CDH13: variants seen among roughly 807,000 people sequenced by gnomAD.
CDH13 encodes the protein cadherin 13.
In CDH13, 24 loss-of-function variants were observed where a neutral mutation model predicts 63.8. That is an observed-to-expected ratio of 0.38 (90% CI 0.27 to 0.53). The LOEUF is 0.53. CDH13 is among the 20% of genes least tolerant of loss of function. The pLI is 0.85. For synonymous variants in CDH13, 503 were observed against 355.3 expected (o/e 1.42, Z -4.67); for missense variants, 1,049 against 903.1 (o/e 1.16, Z -2.07).
chr16:83,365,642 C>G (rs983269811), intron 6 of CDH13, among the ~76,000 whole-genome samples: 2 of 152,084 alleles, frequency 1.3e-5, no homozygotes, highest in Admixed American at 1.3e-4. Context: ...GGAGGTTACC[C>G]GGGATTATCC....
intron 3 of CDH13, among the ~76,000 whole-genome samples, chr16:83,108,112 C>T (rs1349507537): frequency 1.3e-5 from 2 of 152,070 alleles, no homozygotes; most frequent in East Asian, 1.9e-4. Context: ...TGAGCCACCG[C>T]GCCCAGCCCC....
At chr16:83,016,401 T>C (rs1347231434) in intron 2 of CDH13, among the ~76,000 whole-genome samples, 5 of 152,192 alleles carry the variant, frequency 3.3e-5, no homozygotes, top group Admixed American at 2.0e-4. Context: ...TGCTAATATT[T>C]TTTGATTGCC....
intron 4 of CDH13, among the ~76,000 whole-genome samples, chr16:83,177,840 T>C (rs1402279194): frequency 3.9e-5 from 6 of 152,178 alleles, no homozygotes; most frequent in Non-Finnish European, 8.8e-5. Flanking sequence ...ATGATAATTA[T>C]TTGCAGTAGT....
chr16:82,751,494 C>G (rs1362597081), intron 1 of CDH13, among the ~76,000 whole-genome samples: 2 of 152,112 alleles, frequency 1.3e-5, no homozygotes, highest in African/African-American at 4.8e-5. Context: ...TACTACAGCA[C>G]CTCATTGCAA....
chr16:83,257,493 T>C (rs1906439940), intron 5 of CDH13, among the ~76,000 whole-genome samples: 1 of 152,192 alleles, frequency 6.6e-6, no homozygotes, highest in Non-Finnish European at 1.5e-5. Flanking sequence ...AGGTCCATGA[T>C]GTAGAAAGTT....
intron 2 of CDH13, among the ~76,000 whole-genome samples, chr16:82,949,231 G>C (rs1481421536): frequency 1.3e-5 from 2 of 152,086 alleles, no homozygotes; most frequent in Non-Finnish European, 2.9e-5. Flanking sequence ...GGGAGGATTC[G>C]GCCTCACCTT....
chr16:82,989,871 C>G (rs1911437573), intron 2 of CDH13, among the ~76,000 whole-genome samples: 1 of 152,092 alleles, frequency 6.6e-6, no homozygotes, highest in Admixed American at 6.6e-5. Context: ...ATCCCTGGGA[C>G]CTAATCATAG....
chr16:83,598,989 G>A (rs1052262040), intron 7 of CDH13, among the ~76,000 whole-genome samples: 4 of 152,218 alleles, frequency 2.6e-5, no homozygotes. Context: ...TGATAGGAAT[G>A]GAAAGCCCTG....
At chr16:83,182,800 A>T (rs1001188168) in intron 4 of CDH13, among the ~76,000 whole-genome samples, 1 of 152,228 alleles carries the variant, frequency 6.6e-6, no homozygotes, top group Non-Finnish European at 1.5e-5. Context: ...ATTATAAAGT[A>T]AAATGAGACT....
chr16:83,214,130 G>A (rs1375345784), intron 4 of CDH13, among the ~76,000 whole-genome samples: 1 of 152,012 alleles, frequency 6.6e-6, no homozygotes, highest in African/African-American at 2.4e-5. Flanking sequence ...TTGTTCTTTC[G>A]CTCTTCACAG....
At chr16:83,407,827 C>CG (rs1555544431) in intron 6 of CDH13, among the ~76,000 whole-genome samples, 4 of 152,168 alleles carry the variant, frequency 2.6e-5, no homozygotes, top group Non-Finnish European at 4.4e-5. Context: ...CATCTGTTTT[C>CG]TTTTTGTAAT....
chr16:83,004,197 G>C (rs951682058), intron 2 of CDH13, among the ~76,000 whole-genome samples: 8 of 152,184 alleles, frequency 5.3e-5, no homozygotes, highest in Non-Finnish European at 1.2e-4. Flanking sequence ...GTGAGTATCT[G>C]TGTTCCCTTG....
At chr16:82,863,430 G>A (rs1291363691) in intron 2 of CDH13, among the ~76,000 whole-genome samples, 3 of 152,096 alleles carry the variant, frequency 2.0e-5, no homozygotes, top group Non-Finnish European at 4.4e-5. Context: ...ACAATACTGT[G>A]GTTAAGATCA....
chr16:82,753,086 T>C (rs938898635), intron 1 of CDH13, among the ~76,000 whole-genome samples: 2 of 152,214 alleles, frequency 1.3e-5, no homozygotes, highest in Non-Finnish European at 2.9e-5. Flanking sequence ...AGAAAAATCC[T>C]GAAATTTCAA....
intron 5 of CDH13, among the ~76,000 whole-genome samples, chr16:83,269,803 G>A (rs999442062): frequency 1.3e-5 from 2 of 152,132 alleles, no homozygotes; most frequent in Admixed American, 6.6e-5. Context: ...ACTATCAAGA[G>A]GAGGATTGGT....
chr16:82,937,339 G>A (rs1220718735), intron 2 of CDH13, among the ~76,000 whole-genome samples: 2 of 151,954 alleles, frequency 1.3e-5, no homozygotes, highest in East Asian at 3.9e-4. Flanking sequence ...GGTTGGGCGA[G>A]GCAATCTTTA....
chr16:82,818,073 C>T (rs541475166), intron 1 of CDH13, among the ~76,000 whole-genome samples: 47 of 151,490 alleles, frequency 3.1e-4, no homozygotes, highest in African/African-American at 1.1e-3. Flanking sequence ...GCACAATGCA[C>T]ACATGTTTAT....
intron 7 of CDH13, among the ~76,000 whole-genome samples, chr16:83,508,080 G>GAAGA (rs1325180058): frequency 4.5e-5 from 3 of 67,236 alleles, no homozygotes; most frequent in African/African-American, 1.7e-4. Context: ...AGGAAGGAAG[G>GAAGA]AAGGAAGGAA....
At chr16:83,505,901 C>T (rs569791310) in intron 7 of CDH13, among the ~76,000 whole-genome samples, 3 of 152,292 alleles carry the variant, frequency 2.0e-5, no homozygotes, top group African/African-American at 7.2e-5. Flanking sequence ...ACATTGCAAA[C>T]GCATCAGCAT....
Sources: allele counts gnomAD v4.1 joint callset (sites outside exome capture counted in the v4.1 genomes callset), GRCh38; gene constraint gnomAD v4.1.1; transcripts MANE v1.5; gene names NCBI Gene and HGNC (gene_info 2026-07-23, HGNC 2026-07-21).